DHDH: variants seen among roughly 807,000 people sequenced by gnomAD.
DHDH encodes trans-1,2-dihydrobenzene-1,2-diol dehydrogenase.
DHDH carries 29 observed loss-of-function variants against 33.2 expected under a neutral mutation model. The observed-to-expected ratio is 0.87, with a 90% CI of 0.65 to 1.19. The LOEUF (loss-of-function observed/expected upper bound fraction) is 1.19, where lower values mean the gene tolerates loss of function less well. Ranked by LOEUF, DHDH falls within the 50% of genes most tolerant of loss-of-function variation. DHDH has a pLI of 0.00. For missense variants in DHDH, 431 were observed against 455.0 expected (o/e 0.95, Z 0.48); for synonymous variants, 201 against 187.9 (o/e 1.07, Z -0.57).
chr19:48,944,746 A>T (rs556383239), intron 6 of DHDH, 78 bp from the exon 7 acceptor site: 1 of 1,374,172 alleles, frequency 7.3e-7, no homozygotes, highest in Non-Finnish European at 1.0e-6. Context: ...ATTGTGCCAC[A>T]TGGAATTCTG....
rs562569541 is a variant in DHDH at position 48,939,215 on chromosome 19, G to A, written c.367-234G>A. 1.8e-4 allele frequency among the ~76,000 whole-genome samples: 27 copies of A among 151,960 alleles called. 1 individual carries two copies. In the East Asian group the frequency reaches 4.5e-3, roughly 25 times the overall value. On this transcript the variant is annotated intron_variant, in intron 3 of 6. Coordinates refer to ENST00000221403, the MANE Select transcript of DHDH (RefSeq NM_014475.4). ...AGCACTTTGGGAGGCTGAGGTGGGA[G>A]GACTGCTTGAGCCCAGGAGTTCGAG...
intron 5 of DHDH, among the ~76,000 whole-genome samples, chr19:48,943,567 T>C (rs1452959772): frequency 6.6e-6 from 1 of 151,810 alleles, no homozygotes; most frequent in African/African-American, 2.4e-5. Flanking sequence ...GGCTCACACC[T>C]GTAATCCCAG....
intron 3 of DHDH, 37 bp downstream of exon 3, chr19:48,936,232 A>G (rs1383794351): frequency 1.3e-6 from 2 of 1,532,820 alleles, no homozygotes; most frequent in East Asian, 2.3e-5. Context: ...TCCAGCGTAA[A>G]AGTGCTTGCC....
Position 48,939,670 on chromosome 19 carries a change from G to A in DHDH, c.588G>A (p.Lys196=). 1.2e-6 allele frequency: 2 copies of A among 1,605,984 alleles called. No individual in the cohort carries two copies. The highest frequency in any genetic ancestry group is 1.7e-6 in the Non-Finnish European group (2 of 1,173,538). The stretch of plus-strand genomic sequence containing the variant: ...TCTTTGGAGGGCAGAAGCCAGAGAA[G>A]ATTTCTGTCGTGGGAAGGCGTCATG... ...SMVFGGQKPE[K]ISVVGRRHET... The change falls in exon 4 of 7, where the codon AAG becomes AAA. Residue 196 remains lysine, a synonymous_variant. Coordinates refer to ENST00000221403, the MANE Select transcript of DHDH (RefSeq NM_014475.4).
At chr19:48,941,328 T>A (rs1172939563) in intron 4 of DHDH, among the ~76,000 whole-genome samples, 1 of 152,196 alleles carries the variant, frequency 6.6e-6, no homozygotes, top group Admixed American at 6.6e-5. Flanking sequence ...ACTGGCCCAT[T>A]GGCCAAAGCA....
At chr19:48,942,693 C>G (rs2037882342) in intron 5 of DHDH, 129 bp downstream of exon 5, 2 of 1,414,368 alleles carry the variant, frequency 1.4e-6, no homozygotes, top group Non-Finnish European at 9.3e-7. Context: ...CCTCCTTAAC[C>G]AAGCCAAGAG....
chr19:48,941,121 C>T (rs1039304291), intron 4 of DHDH, among the ~76,000 whole-genome samples: 4 of 152,162 alleles, frequency 2.6e-5, no homozygotes, highest in African/African-American at 9.6e-5. Flanking sequence ...CCTGCAGCTG[C>T]AGTCAGTTGG....
intron 3 of DHDH, 54 bp from the exon 4 acceptor site, chr19:48,939,395 G>A: frequency 1.3e-6 from 2 of 1,549,998 alleles, no homozygotes; most frequent in East Asian, 2.3e-5. Context: ...CTATGATTGG[G>A]ACCCCAGAAG....
chr19:48,933,223 G>A (rs2037727059), upstream of DHDH, among the ~76,000 whole-genome samples: 2 of 152,148 alleles, frequency 1.3e-5, no homozygotes, highest in African/African-American at 4.8e-5. Context: ...AAAGCGCAGA[G>A]CTGAGGAGCT....
At position 48,936,179 on chromosome 19, in the gene DHDH, C is replaced by T. The variant is rs1270206683; in HGVS notation, c.350C>T (p.Ala117Val). 3.1e-6 allele frequency: 5 copies of T among 1,596,790 alleles called. No homozygotes were observed. Among genetic ancestry groups the T allele is most frequent in the East Asian group, 2.2e-5 (1 of 44,526 alleles). Residue 117 changes from alanine (A) to valine (V), a missense_variant, in exon 3 of 7, where the codon GCC (alanine) becomes GTC (valine). Transcript: ENST00000221403. ...REMVAEARSR[A>V]LFLMEAIWTR... is the part of the protein sequence containing the mutation. ...ATGGTCGCGGAGGCCCGATCCCGAG[C>T]CCTCTTCCTTATGGAGGTGAGGGCA...
intron 2 of DHDH, among the ~76,000 whole-genome samples, chr19:48,935,410 A>G (rs529498511): frequency 1.6e-4 from 25 of 152,208 alleles, no homozygotes; most frequent in Non-Finnish European, 8.8e-5. Context: ...AATCCCAGCT[A>G]CTGGGGAGGC....
chr19:48,935,816 C>A (rs7254332), intron 2 of DHDH, among the ~76,000 whole-genome samples: 50,603 of 148,448 alleles, frequency 0.34, 11,903 homozygotes, highest in African/African-American at 0.66. Flanking sequence ...ACTCCGCCTC[C>A]AAAAAAAAAA....
rs2037918897 is a variant in DHDH, at chr19:48,944,830, A to C, written c.902A>C (p.Lys301Thr). 1.9e-6 allele frequency: 3 copies of C among 1,613,072 alleles called. No homozygotes were observed. Among genetic ancestry groups the C allele is most frequent in the Middle Eastern group, 3.7e-4 (2 of 5,468 alleles). ...HVWECLRKGM[K>T]ESPVIPLSES... ...AACTACACTCTCCCCACAGGTATGA[A>C]GGAAAGTCCTGTGATTCCCCTGTCG... The change falls in exon 7 of 7, where the codon AAG becomes ACG. Residue 301 changes from lysine (K) to threonine (T), a missense_variant. Lys to Thr is a moderately conservative substitution (Grantham distance 78). Transcript: ENST00000221403.
intron 6 of DHDH, 49 bp from the exon 7 acceptor site, chr19:48,944,775 G>C (rs1425390799): frequency 6.5e-7 from 1 of 1,530,760 alleles, no homozygotes; most frequent in Non-Finnish European, 9.0e-7. Flanking sequence ...AGTTCTTTGG[G>C]TCTTGGGCGC....
At chr19:48,939,845 G>C (rs2037833157) in intron 4 of DHDH, 144 bp downstream of exon 4, 14 of 1,239,242 alleles carry the variant, frequency 1.1e-5, no homozygotes, top group Non-Finnish European at 1.4e-5. Context: ...GAGAGGATCA[G>C]AGTCAAGACT....
chr19:48,941,919 T>C (rs1420665909), intron 4 of DHDH, among the ~76,000 whole-genome samples: 1 of 151,858 alleles, frequency 6.6e-6, no homozygotes. Context: ...GGGATCCTCC[T>C]GCCTCCACCT....
upstream of DHDH, among the ~76,000 whole-genome samples, chr19:48,932,959 A>C (rs2037724254): frequency 6.6e-6 from 1 of 152,152 alleles, no homozygotes; most frequent in East Asian, 1.9e-4. Flanking sequence ...TCTTGTCCAA[A>C]AGCAATACAG....
chr19:48,933,701 C>G lies in DHDH; in HGVS notation c.-21C>G, dbSNP rs777276782. ...TCGCGCCTGGAGGGACCGAAGGTGC[C>G]GAGGGCTCCGCATCGCAACCATGGC... On this transcript the variant is annotated 5_prime_UTR_variant, in exon 1 of 7. Coordinates refer to ENST00000221403, the MANE Select transcript of DHDH (RefSeq NM_014475.4). The G allele has an allele frequency of 1.6e-5, 25 of 1,612,566 alleles. No homozygotes were observed. Among genetic ancestry groups the G allele is most frequent in the Non-Finnish European group, 2.1e-5 (25 of 1,179,654 alleles).
intron 4 of DHDH, among the ~76,000 whole-genome samples, chr19:48,940,998 A>G (rs2037851211): frequency 1.6e-5 from 1 of 61,094 alleles, no homozygotes; most frequent in African/African-American, 1.9e-4. Context: ...CCCTGTCTCA[A>G]AAAAAAAAAA....
Sources: allele counts gnomAD v4.1 joint callset (sites outside exome capture counted in the v4.1 genomes callset), GRCh38; gene constraint gnomAD v4.1.1; transcripts MANE v1.5; gene names NCBI Gene and HGNC (gene_info 2026-07-23, HGNC 2026-07-21).